The following KAZN variants were observed in gnomAD, a reference collection of about 807,000 sequenced individuals.
KAZN encodes kazrin.
In KAZN, 40 loss-of-function variants were observed where a neutral mutation model predicts 87.4. That is an observed-to-expected ratio of 0.46 (90% CI 0.36 to 0.60). The LOEUF (loss-of-function observed/expected upper bound fraction) is 0.60, where lower values mean the gene tolerates loss of function less well. KAZN is among the 20% of genes least tolerant of loss of function. KAZN has a pLI of 0.00. For missense variants in KAZN, 898 were observed against 1,073.9 expected, an observed-to-expected ratio of 0.84 and a Z score of 2.29; for synonymous variants, 466 against 458.3, an observed-to-expected ratio of 1.02 and a Z score of -0.22.
intron 2 of KAZN, among the ~76,000 whole-genome samples, chr1:14,244,855 C>T (rs755125059): frequency 6.6e-6 from 1 of 152,118 alleles, no homozygotes; most frequent in Non-Finnish European, 1.5e-5. Context: ...CCTTGTTAAT[C>T]AGTGCAGACT....
At chr1:15,060,066 G>A in intron 5 of KAZN, 106 bp from the exon 6 acceptor site, 1 of 1,441,792 alleles carries the variant, frequency 6.9e-7, no homozygotes, top group Non-Finnish European at 9.5e-7. Context: ...CTACACCTCA[G>A]TGTTCCCATC....
At chr1:14,991,524 T>C (rs1271045873) in intron 2 of KAZN, among the ~76,000 whole-genome samples, 3 of 152,152 alleles carry the variant, frequency 2.0e-5, no homozygotes, top group Admixed American at 6.6e-5. Context: ...GCCCGAGGAA[T>C]GTGGGTGCAG....
At chr1:14,083,083 T>A (rs1247433122) in intron 1 of KAZN, among the ~76,000 whole-genome samples, 1 of 152,166 alleles carries the variant, frequency 6.6e-6, no homozygotes, top group Non-Finnish European at 1.5e-5. Flanking sequence ...TCCCAGCGAC[T>A]CGGGAGGTTT....
At chr1:13,910,686 CT>C (rs1481374948) in intron 1 of KAZN, among the ~76,000 whole-genome samples, 1 of 152,074 alleles carries the variant, frequency 6.6e-6, no homozygotes, top group Non-Finnish European at 1.5e-5. Context: ...AATTAAACTC[CT>C]TTTCTTTATA....
At chr1:13,915,288 CT>C (rs1215755885) in intron 1 of KAZN, among the ~76,000 whole-genome samples, 1 of 152,096 alleles carries the variant, frequency 6.6e-6, no homozygotes, top group Non-Finnish European at 1.5e-5. Flanking sequence ...GACCACGGGA[CT>C]TTTAGGAACT....
At chr1:15,101,103 T>C (rs945648928) in intron 10 of KAZN, among the ~76,000 whole-genome samples, 17 of 152,070 alleles carry the variant, frequency 1.1e-4, no homozygotes, top group African/African-American at 4.1e-4. Context: ...TGGGATTCTC[T>C]CTTCCTGTTC....
intron 1 of KAZN, among the ~76,000 whole-genome samples, chr1:14,157,557 C>G (rs1645620891): frequency 6.6e-6 from 1 of 152,170 alleles, no homozygotes; most frequent in South Asian, 2.1e-4. Flanking sequence ...GCCACTCTCT[C>G]CTGGCCTGTA....
chr1:14,860,958 C>T (rs555679463), intron 1 of KAZN, among the ~76,000 whole-genome samples: 28 of 152,326 alleles, frequency 1.8e-4, no homozygotes, highest in African/African-American at 6.7e-4. Flanking sequence ...GTTTCGCCTT[C>T]ACTTGGTTCT....
chr1:13,893,678 C>T (rs1164279784), exon 1 of KAZN: 2 of 1,550,504 alleles, frequency 1.3e-6, no homozygotes, highest in South Asian at 1.2e-5. Context: ...GGAATCCACG[C>T]TGGCGACATC....
At chr1:14,513,029 A>G (rs1048240150) in intron 2 of KAZN, among the ~76,000 whole-genome samples, 1 of 152,162 alleles carries the variant, frequency 6.6e-6, no homozygotes, top group Non-Finnish European at 1.5e-5. Context: ...AATATCACAT[A>G]TGATTGAGAT....
intron 13 of KAZN, among the ~76,000 whole-genome samples, chr1:15,110,077 ATGTG>A (rs1641471462): frequency 2.2e-5 from 3 of 135,424 alleles, no homozygotes; most frequent in African/African-American, 8.3e-5. Flanking sequence ...CTGTGTGTGT[ATGTG>A]TGTATATGTA....
chr1:14,950,602 C>T (rs1447286698), intron 1 of KAZN, among the ~76,000 whole-genome samples: 2 of 152,160 alleles, frequency 1.3e-5, no homozygotes, highest in Non-Finnish European at 2.9e-5. Flanking sequence ...ACGCTGCGAG[C>T]TGAGTTTCCC....
intron 2 of KAZN, among the ~76,000 whole-genome samples, chr1:14,982,838 C>G (rs1189109297): frequency 2.0e-5 from 3 of 152,172 alleles, no homozygotes; most frequent in African/African-American, 7.2e-5. Context: ...GCCTGAATTT[C>G]CAGATATCTT....
chr1:14,112,588 G>T (rs1570765037), intron 1 of KAZN, among the ~76,000 whole-genome samples: 1 of 152,146 alleles, frequency 6.6e-6, no homozygotes, highest in Non-Finnish European at 1.5e-5. Context: ...GGGAAACTGT[G>T]ACTCTGATAA....
chr1:14,872,380 T>A (rs1162066804), intron 1 of KAZN, among the ~76,000 whole-genome samples: 3 of 152,230 alleles, frequency 2.0e-5, no homozygotes, highest in Admixed American at 6.5e-5. Flanking sequence ...GAACTGAATT[T>A]TTTATTTTAT....
At chr1:14,894,541 G>A (rs1376768271) in intron 1 of KAZN, among the ~76,000 whole-genome samples, 2 of 152,236 alleles carry the variant, frequency 1.3e-5, no homozygotes, top group East Asian at 1.9e-4. Flanking sequence ...GTTAACTGTC[G>A]ATGTGGCACA....
chr1:14,894,051 A>T (rs935593625), intron 1 of KAZN, among the ~76,000 whole-genome samples: 1 of 151,964 alleles, frequency 6.6e-6, no homozygotes, highest in African/African-American at 2.4e-5. Flanking sequence ...CTGTCCCCCA[A>T]ATCCACTTCT....
chr1:14,198,167 G>C (rs917200452), intron 2 of KAZN, among the ~76,000 whole-genome samples: 5 of 152,126 alleles, frequency 3.3e-5, no homozygotes, highest in Non-Finnish European at 5.9e-5. Flanking sequence ...TCACAAAGGG[G>C]CTCTGAGATC....
chr1:14,752,920 T>C (rs111446802), intron 1 of KAZN, among the ~76,000 whole-genome samples: 9 of 152,342 alleles, frequency 5.9e-5, no homozygotes, highest in African/African-American at 2.2e-4. Flanking sequence ...AGCTGTGCAT[T>C]TGGACCACTC....
Sources: allele counts gnomAD v4.1 joint callset (sites outside exome capture counted in the v4.1 genomes callset), GRCh38; gene constraint gnomAD v4.1.1; transcripts MANE v1.5; gene names NCBI Gene and HGNC (gene_info 2026-07-23, HGNC 2026-07-21).